Variants in CERT1 observed in about 807,000 individuals in gnomAD.
The protein encoded by CERT1 is ceramide transfer protein.
In CERT1, 31 loss-of-function variants were observed where a neutral mutation model predicts 87.9. The ratio of observed to expected loss-of-function variants is 0.35; its 90% CI spans 0.27 to 0.48. CERT1 has a LOEUF of 0.48. Ranked by LOEUF, CERT1 falls within the 20% of genes least tolerant of loss-of-function variation. The pLI is 0.99. For missense variants in CERT1, 487 were observed against 758.0 expected (o/e 0.64, Z 4.20); for synonymous variants, 289 against 250.9 (o/e 1.15, Z -1.44).
chr5:75,511,697 G>T, upstream of CERT1: 1 of 1,505,942 alleles, frequency 6.6e-7, no homozygotes, highest in Non-Finnish European at 8.9e-7. Flanking sequence ...TCCCCGCCCC[G>T]TCCCCCTCCC....
At chr5:75,451,213 G>A (rs1418155934) in intron 3 of CERT1, among the ~76,000 whole-genome samples, 3 of 151,978 alleles carry the variant, frequency 2.0e-5, no homozygotes, top group East Asian at 1.9e-4. Flanking sequence ...ATGGATTACC[G>A]CATGCAATTT....
intron 12 of CERT1, among the ~76,000 whole-genome samples, chr5:75,387,974 A>G (rs1761867296): frequency 6.6e-6 from 1 of 151,934 alleles, no homozygotes; most frequent in Non-Finnish European, 1.5e-5. Context: ...TTAGTACTTC[A>G]CTTCCTCCTC....
At chr5:75,372,607 C>A (rs1201855331) in intron 17 of CERT1, 1 of 152,158 alleles carries the variant, frequency 6.6e-6, no homozygotes, top group Non-Finnish European at 1.5e-5. Flanking sequence ...AGCATGAAAT[C>A]CGCGTGCATG....
intron 3 of CERT1, among the ~76,000 whole-genome samples, chr5:75,451,599 G>C (rs901805307): frequency 2.0e-5 from 3 of 152,156 alleles, no homozygotes; most frequent in Non-Finnish European, 4.4e-5. Flanking sequence ...CAAATGCAAA[G>C]CTAAGTTTTA....
intron 2 of CERT1, among the ~76,000 whole-genome samples, chr5:75,499,374 A>G (rs920165235): frequency 1.3e-5 from 2 of 152,114 alleles, no homozygotes; most frequent in African/African-American, 2.4e-5. Flanking sequence ...TAGTTCCCAT[A>G]ATCCCCATGT....
At chr5:75,490,586 C>A (rs1425419928) in intron 2 of CERT1, among the ~76,000 whole-genome samples, 1 of 152,002 alleles carries the variant, frequency 6.6e-6, no homozygotes, top group African/African-American at 2.4e-5. Flanking sequence ...GCAAGCTCCG[C>A]CTCCTGGGTT....
intron 3 of CERT1, among the ~76,000 whole-genome samples, chr5:75,439,936 A>T (rs534509551): frequency 6.6e-6 from 1 of 152,106 alleles, no homozygotes; most frequent in Admixed American, 6.5e-5. Flanking sequence ...GAGAAGTTAT[A>T]GTCTGTAGCA....
At chr5:75,450,280 T>C (rs1293340314) in intron 3 of CERT1, among the ~76,000 whole-genome samples, 3 of 152,120 alleles carry the variant, frequency 2.0e-5, no homozygotes, top group Non-Finnish European at 4.4e-5. Context: ...GCATGCCTCA[T>C]TATACTCTCC....
At chr5:75,489,301 A>G (rs1018613231) in intron 2 of CERT1, among the ~76,000 whole-genome samples, 1 of 152,250 alleles carries the variant, frequency 6.6e-6, no homozygotes, top group African/African-American at 2.4e-5. Flanking sequence ...ACCCTAGAAG[A>G]AAACCTAGGC....
chr5:75,449,537 TTG>T (rs1262317351), intron 3 of CERT1, among the ~76,000 whole-genome samples: 1 of 152,212 alleles, frequency 6.6e-6, no homozygotes, highest in Non-Finnish European at 1.5e-5. Context: ...ACATCAATAC[TTG>T]TGAGAGCTTC....
intron 5 of CERT1, among the ~76,000 whole-genome samples, chr5:75,422,041 ATATCAAGGAACTTTTGATTATCTACC>A (rs1256646794): frequency 2.0e-5 from 3 of 152,218 alleles, no homozygotes; most frequent in Admixed American, 6.5e-5. Context: ...GGGTATCCAC[ATATCAAGGAACTTTTGATTATCTACC>A]TATCAAGGAA....
At chr5:75,450,000 TTC>T (rs1461157724) in intron 3 of CERT1, among the ~76,000 whole-genome samples, 1 of 152,210 alleles carries the variant, frequency 6.6e-6, no homozygotes, top group Non-Finnish European at 1.5e-5. Context: ...TCTAAATATC[TTC>T]TTTCTTCACT....
rs1762376250 is a variant in CERT1 at position 75,399,296 on chromosome 5, C to T, written c.1188+14G>A. 1 of 1,575,380 alleles carries T rather than the reference C, an allele frequency of 6.3e-7. No individual in the cohort carries two copies. Among genetic ancestry groups the T allele is most frequent in the South Asian group, 1.1e-5 (1 of 90,310 alleles). The stretch of plus-strand genomic sequence containing the variant: ...CAGAAAGACTCAAGTCCACTCTATA[C>T]ATTCATACAGTACCTGGGAGCTGAA... On this transcript the variant is annotated intron_variant, in intron 11 of 16. Transcript: ENST00000643780.
chr5:75,410,639 T>C (rs1345325285), intron 8 of CERT1: 4 of 151,900 alleles, frequency 2.6e-5, no homozygotes, highest in Non-Finnish European at 4.3e-5. Context: ...CACAGTATAG[T>C]ACAGACTAAA....
intron 2 of CERT1, among the ~76,000 whole-genome samples, chr5:75,500,328 T>C (rs573821068): frequency 1.3e-5 from 2 of 152,314 alleles, no homozygotes; most frequent in Admixed American, 1.3e-4. Flanking sequence ...CATTGTATAA[T>C]TATATAATTA....
chr5:75,481,785 C>T (rs866538975), intron 2 of CERT1, among the ~76,000 whole-genome samples: 21 of 151,902 alleles, frequency 1.4e-4, no homozygotes, highest in Admixed American at 2.0e-4. Flanking sequence ...AAAACAAAAC[C>T]CCGTCTTTAA....
Position 75,381,179 on chromosome 5 carries a change from G to C in CERT1, c.1640C>G (p.Ala547Gly). 6.2e-7 allele frequency: 1 copy of C among 1,613,958 alleles called. No individual in the cohort carries two copies. The highest frequency in any genetic ancestry group is 8.5e-7 in the Non-Finnish European group (1 of 1,179,984). Residue 547 changes from alanine (A) to glycine (G), a missense_variant, in exon 16 of 17, where the codon GCC (alanine) becomes GGC (glycine). By Grantham distance (60) the Ala-to-Gly change is moderately conservative (BLOSUM62 0). Coordinates refer to ENST00000643780, the MANE Select transcript of CERT1 (RefSeq NM_001379029.1). ...ACAAATCATAGCAACATTTATTTTG[G>C]CACGGACACATCGGTTGTTTAGCTG... ...SAPLNNRCVR[A>G]KINVAMICQT...
chr5:75,469,037 T>C (rs955930383), intron 2 of CERT1, among the ~76,000 whole-genome samples: 1 of 151,884 alleles, frequency 6.6e-6, no homozygotes, highest in Non-Finnish European at 1.5e-5. Context: ...CTCAATGAAC[T>C]TCAAGAAAAT....
At position 75,419,395 on chromosome 5, in the gene CERT1, T is replaced by C. The variant is rs1272045128; in HGVS notation, c.625A>G (p.Thr209Ala). 2.0e-5 allele frequency: 33 copies of C among 1,612,570 alleles called. No homozygotes were observed. The highest frequency in any genetic ancestry group is 2.8e-5 in the Non-Finnish European group (33 of 1,178,848). The change falls in exon 6 of 17, where the codon ACA (threonine) becomes GCA (alanine). Residue 209 changes from threonine (T) to alanine (A), a missense_variant. This residue lies in a region of CERT1 where 173 missense variants were observed against 302.2 expected (regional missense o/e 0.57). Coordinates refer to ENST00000643780, the MANE Select transcript of CERT1 (RefSeq NM_001379029.1). ...AAGAAGTCACCATCAGAACGCGTTG[T>C]AGGAAAGTCATCTTCATCATCTTCT... ...VVEDDEDDFPTTRSDGDFLHS... is the reference protein window; with the variant it reads ...VVEDDEDDFPATRSDGDFLHS...
Sources: allele counts gnomAD v4.1 joint callset (sites outside exome capture counted in the v4.1 genomes callset), GRCh38; gene constraint gnomAD v4.1.1; regional missense constraint gnomAD v4.1.1; transcripts MANE v1.5; gene names NCBI Gene and HGNC (gene_info 2026-07-23, HGNC 2026-07-21).